RAI14: variants seen among roughly 807,000 people sequenced by gnomAD.
RAI14 encodes the protein ankycorbin.
RAI14 carries 45 observed loss-of-function variants against 115.4 expected under a neutral mutation model. That is an observed-to-expected ratio of 0.39 (90% CI 0.31 to 0.50). The LOEUF is 0.50. RAI14 is among the 20% of genes least tolerant of loss of function. The pLI, the probability that RAI14 is intolerant of heterozygous loss-of-function variation, is 0.85. For synonymous variants in RAI14, 371 were observed against 415.4 expected (o/e 0.89, Z 1.30); for missense variants, 939 against 1,131.2 (o/e 0.83, Z 2.44).
At chr5:34,828,669 G>T (rs1421330461) in intron 16 of RAI14, among the ~76,000 whole-genome samples, 1 of 152,132 alleles carries the variant, frequency 6.6e-6, no homozygotes, top group Non-Finnish European at 1.5e-5. Flanking sequence ...TTTTCATGAT[G>T]AATTAGGAGG....
At chr5:34,678,648 C>T (rs1036006001) in intron 1 of RAI14, among the ~76,000 whole-genome samples, 1 of 152,180 alleles carries the variant, frequency 6.6e-6, no homozygotes, top group Non-Finnish European at 1.5e-5. Context: ...TGATCTTGGG[C>T]TTTATTTTGT....
chr5:34,670,169 G>A (rs543617555), intron 1 of RAI14, among the ~76,000 whole-genome samples: 6 of 152,302 alleles, frequency 3.9e-5, no homozygotes, highest in South Asian at 2.1e-4. Context: ...CTGAGGACTC[G>A]TTCCGTCTTT....
Position 34,827,893 on chromosome 5 carries a change from C to T in RAI14, c.2799+1414C>T, listed in dbSNP as rs546030666. On this transcript the variant is annotated intron_variant, in intron 16 of 17. Coordinates refer to ENST00000265109, the MANE Select transcript of RAI14 (RefSeq NM_015577.3). The surrounding 1 kb of genome is among the most constrained non-coding windows in gnomAD (Gnocchi z 4.2). Reference sequence around the variant, plus strand: ...ATCAGCAAAGAGATGCCCAGCATACCGTGGGCATACAAAGGAAATGTGTCT... The same window carrying T: ...ATCAGCAAAGAGATGCCCAGCATACTGTGGGCATACAAAGGAAATGTGTCT... Among the ~76,000 whole-genome samples, 16 of 152,228 alleles carry T rather than the reference C, an allele frequency of 1.1e-4. No homozygotes were observed. In the East Asian group the frequency reaches 1.4e-3, roughly 13 times the overall value.
At chr5:34,798,223 G>C (rs936937691) in intron 4 of RAI14, among the ~76,000 whole-genome samples, 2 of 152,044 alleles carry the variant, frequency 1.3e-5, no homozygotes, top group Non-Finnish European at 2.9e-5. Flanking sequence ...ATTTTTAGTA[G>C]AGGCGGGGTT....
At chr5:34,807,763 A>G (rs1755100706) in intron 5 of RAI14, 37 bp from the exon 6 acceptor site, 1 of 1,483,072 alleles carries the variant, frequency 6.7e-7, no homozygotes. Context: ...GGGGCAGGGT[A>G]TTTTATTATA....
intron 12 of RAI14, 41 bp from the exon 13 acceptor site, chr5:34,818,756 C>T (rs931727059): frequency 7.2e-6 from 11 of 1,531,394 alleles, no homozygotes; most frequent in African/African-American, 1.4e-5. Context: ...TGTAATGTTA[C>T]ATTTAGAAAT....
chr5:34,777,466 AAAAC>A (rs531247059), intron 3 of RAI14, among the ~76,000 whole-genome samples: 174 of 152,248 alleles, frequency 1.1e-3, no homozygotes, highest in African/African-American at 3.8e-3. Context: ...GGGAACCAAA[AAAAC>A]AAACAAAAAC....
chr5:34,814,018 T>C (rs1755896882), intron 11 of RAI14, among the ~76,000 whole-genome samples: 1 of 152,228 alleles, frequency 6.6e-6, no homozygotes, highest in Non-Finnish European at 1.5e-5. Flanking sequence ...GAGTAGCCAT[T>C]GAGGCAATTA....
In RAI14 at chr5:34,674,978, C is replaced by T. The variant is rs569339128; in HGVS notation, c.-48-11894C>T. Among the ~76,000 whole-genome samples, 4 of 151,268 alleles carry T rather than the reference C, an allele frequency of 2.6e-5. No homozygotes were observed. In the South Asian group the frequency reaches 6.3e-4, roughly 24 times the overall value. On this transcript the variant is annotated intron_variant, in intron 1 of 17. Coordinates refer to ENST00000265109, the MANE Select transcript of RAI14 (RefSeq NM_015577.3). ...GTGGTGTGATCTCAGCTCACTGCAA[C>T]CTCCACCTCCTGGGTTCAAGTGATT...
chr5:34,725,962 C>CAAAAAAAAAAAA (rs199657623), intron 2 of RAI14, among the ~76,000 whole-genome samples: 1 of 113,744 alleles, frequency 8.8e-6, no homozygotes. Flanking sequence ...AACTGCTTCT[C>CAAAAAAAAAAAA]AAAAAAAAAA....
intron 7 of RAI14, 91 bp from the exon 8 acceptor site, chr5:34,810,921 A>G (rs1181419203): frequency 6.3e-7 from 1 of 1,585,934 alleles, no homozygotes; most frequent in Admixed American, 1.7e-5. Flanking sequence ...AGTCCAAGTC[A>G]GGAGAAAAAT....
rs748931819 is a variant in RAI14, at chr5:34,823,227, G to T, written c.1385G>T (p.Arg462Leu). ...CAGCTACAGGTCGAACTCCAATCCC[G>T]AAGGGCAGAACTGGTATGCTTAAAC... ...RKQLQVELQS[R>L]RAELVCLNNT... The change falls in exon 15 of 18, where the codon CGA becomes CTA. Residue 462 changes from arginine (R) to leucine (L), a missense_variant. Transcript: ENST00000265109. The surrounding 1 kb of genome is among the most constrained non-coding windows in gnomAD (Gnocchi z 4.5). 2.5e-6 allele frequency: 4 copies of T among 1,614,054 alleles called. No individual in the cohort carries two copies. In the Admixed American group the frequency reaches 6.7e-5, roughly 27 times the overall value.
intron 12 of RAI14, among the ~76,000 whole-genome samples, chr5:34,817,235 C>T (rs6877038): frequency 0.11 from 15,340 of 144,970 alleles, 1,405 homozygotes; most frequent in African/African-American, 0.25. Context: ...CAACATTGTG[C>T]CACTGCACTC....
At chr5:34,798,019 GT>G (rs940458347) in intron 4 of RAI14, among the ~76,000 whole-genome samples, 21 of 152,100 alleles carry the variant, frequency 1.4e-4, no homozygotes, top group Admixed American at 3.9e-4. Context: ...AAATAAGTTG[GT>G]TTTTTGTGTG....
At chr5:34,815,187 C>G (rs538057621) in intron 12 of RAI14, among the ~76,000 whole-genome samples, 1 of 151,946 alleles carries the variant, frequency 6.6e-6, no homozygotes, top group Admixed American at 6.5e-5. Context: ...TCGAGACCAT[C>G]CTGGCCAACA....
intron 3 of RAI14, among the ~76,000 whole-genome samples, chr5:34,767,147 A>G (rs1749498596): frequency 6.6e-6 from 1 of 152,212 alleles, no homozygotes; most frequent in African/African-American, 2.4e-5. Flanking sequence ...ACAATTGCTA[A>G]GATCACAGCA....
intron 2 of RAI14, among the ~76,000 whole-genome samples, chr5:34,713,486 T>C (rs1356035410): frequency 1.3e-5 from 2 of 152,132 alleles, no homozygotes; most frequent in African/African-American, 2.4e-5. Flanking sequence ...ACTGGAGTTA[T>C]TAGAAAAAAA....
At chr5:34,662,607 A>T (rs187906900) in intron 1 of RAI14, among the ~76,000 whole-genome samples, 313 of 152,290 alleles carry the variant, frequency 2.1e-3, no homozygotes, top group Non-Finnish European at 3.6e-3. Context: ...CTGTAATAAA[A>T]TGATATTGAA....
intron 1 of RAI14, among the ~76,000 whole-genome samples, chr5:34,664,288 A>T (rs184480595): frequency 6.6e-6 from 1 of 151,806 alleles, no homozygotes; most frequent in African/African-American, 2.4e-5. Context: ...TCAGGAGTTC[A>T]AGACCAGTCT....
Sources: gnomAD v4.1 joint callset for allele counts (sites outside exome capture counted in the v4.1 genomes callset) on GRCh38, gnomAD v4.1.1 for gene constraint, Gnocchi (gnomAD v3.1) non-coding constraint, MANE v1.5 for transcripts, NCBI Gene and HGNC (gene_info 2026-07-23, HGNC 2026-07-21) for gene names.